FLRT2: variants seen among roughly 807,000 people sequenced by gnomAD.
The protein encoded by FLRT2 is leucine-rich repeat transmembrane protein FLRT2.
A neutral mutation model predicts 40.0 loss-of-function variants in FLRT2; 15 were observed. The observed-to-expected ratio is 0.38, with a 90% CI of 0.25 to 0.58. FLRT2 has a LOEUF of 0.58. FLRT2 is among the 20% of genes least tolerant of loss of function. FLRT2 has a pLI of 0.71. For missense variants in FLRT2, 726 were observed against 840.0 expected, an observed-to-expected ratio of 0.86 and a Z score of 1.68; for synonymous variants, 380 against 336.8, an observed-to-expected ratio of 1.13 and a Z score of -1.41.
chr14:85,600,487 G>A (rs11845293), intron 1 of FLRT2, among the ~76,000 whole-genome samples: 45,886 of 151,968 alleles, frequency 0.3, 7,486 homozygotes, highest in African/African-American at 0.42. Flanking sequence ...AAGAAAACAG[G>A]CATGGTCAGA....
At position 85,576,668 on chromosome 14, in the gene FLRT2, A is replaced by G. The variant is rs370681161; in HGVS notation, c.-376-44471A>G. Among the ~76,000 whole-genome samples the G allele has an allele frequency of 8.3e-4, 127 of 152,342 alleles. 4 individuals are homozygous for G. The South Asian group carries it at 0.018, about 22-fold the overall frequency. ...ACACTGGTTGGACCTTTTAGGGGTA[A>G]GTTAACAAGCTGTTTGTCCTATTTG... On this transcript the variant is annotated intron_variant, in intron 1 of 1. Coordinates refer to ENST00000330753, the MANE Select transcript of FLRT2 (RefSeq NM_013231.6).
In FLRT2 at chr14:85,622,713, C is replaced by T. The variant is rs369153024; in HGVS notation, c.1199C>T (p.Pro400Leu). Residue 400 changes from proline (P) to leucine (L), a missense_variant, in exon 2 of 2, where the codon CCT becomes CTT. Pro to Leu is a moderately conservative substitution (Grantham distance 98). This residue lies in a region of FLRT2 where 611 missense variants were observed against 690.0 expected (regional missense o/e 0.89). Transcript: ENST00000330753. ...NPSRSYTPPTPTTSKLPTIPD... is the reference protein window; with the variant it reads ...NPSRSYTPPTLTTSKLPTIPD... ...AGCAGAAGCTACACGCCTCCAACTC[C>T]TACCACATCGAAACTTCCCACGATT... 2.6e-5 allele frequency: 42 copies of T among 1,614,010 alleles called. No individual in the cohort carries two copies. The highest frequency in any genetic ancestry group is 3.3e-5 in the Non-Finnish European group (39 of 1,180,022).
At chr14:85,535,681 C>T (rs908373667) in intron 1 of FLRT2, among the ~76,000 whole-genome samples, 4 of 147,692 alleles carry the variant, frequency 2.7e-5, no homozygotes, top group African/African-American at 9.7e-5. Context: ...TAGGGTTAAA[C>T]CATTTAGGGA....
intron 1 of FLRT2, chr14:85,531,214 C>G (rs146131114): frequency 1.0e-4 from 16 of 152,426 alleles, no homozygotes; most frequent in African/African-American, 3.1e-4. Context: ...GAGGCGGAAT[C>G]CGGATCGAGT....
rs543705667 is a variant in FLRT2, at chr14:85,546,957, G to A, written c.-377+16423G>A. Among the ~76,000 whole-genome samples the A allele has an allele frequency of 1.3e-3, 197 of 152,158 alleles. 1 individual carries two copies. The highest frequency in any genetic ancestry group is 4.6e-3 in the African/African-American group (190 of 41,520). ...CTTTGATTACTGTCTTTTATTCATC[G>A]TCACGTGTTCTGTCACTAGTCTTAG... On this transcript the variant is annotated intron_variant, in intron 1 of 1. Transcript: ENST00000330753.
intron 1 of FLRT2, among the ~76,000 whole-genome samples, chr14:85,608,342 G>T (rs1892718483): frequency 6.6e-6 from 1 of 151,706 alleles, no homozygotes; most frequent in Non-Finnish European, 1.5e-5. Flanking sequence ...CAATTCTTCT[G>T]CCTCAGCCTT....
chr14:85,573,102 A>C (rs1268118718), intron 1 of FLRT2, among the ~76,000 whole-genome samples: 1 of 152,156 alleles, frequency 6.6e-6, no homozygotes, highest in Non-Finnish European at 1.5e-5. Context: ...ATAGTCAGCA[A>C]CCCAGATTTG....
intron 1 of FLRT2, among the ~76,000 whole-genome samples, chr14:85,542,356 CCT>C (rs1412162074): frequency 2.0e-5 from 3 of 151,718 alleles, no homozygotes; most frequent in South Asian, 2.1e-4. Context: ...GAGATTTGCC[CCT>C]GTTTTTTTCA....
rs1894090431 is a variant in FLRT2, at chr14:85,639,369, A to G, written c.*15872A>G. On this transcript the variant is annotated 3_prime_UTR_variant, in exon 2 of 2. Transcript: ENST00000330753. ...TTTGTGAAGTGATTTATGGTTTTAA[A>G]ATAAGCAGCTTTTCTTGAAAGTAGT... is the stretch of plus-strand genomic sequence containing the variant. 1 of 152,202 alleles carries G rather than the reference A, an allele frequency of 6.6e-6. No individual in the cohort carries two copies. The highest frequency in any genetic ancestry group is 2.4e-5 in the African/African-American group (1 of 41,460). The allele number at this position is 152,202 out of a possible 1,614,324, so 9.4% of individuals were successfully genotyped here.
intron 1 of FLRT2, among the ~76,000 whole-genome samples, chr14:85,549,060 A>G (rs774609573): frequency 2.6e-5 from 4 of 152,022 alleles, no homozygotes; most frequent in Non-Finnish European, 5.9e-5. Flanking sequence ...CCACCTTCCC[A>G]CTCCATCCCC....
chr14:85,537,004 TGAGAC>T (rs1888701198), intron 1 of FLRT2, among the ~76,000 whole-genome samples: 1 of 152,178 alleles, frequency 6.6e-6, no homozygotes, highest in South Asian at 2.1e-4. Flanking sequence ...AAGGGAAACT[TGAGAC>T]GAGCTCAAAA....
chr14:85,568,894 G>A (rs1008306710), intron 1 of FLRT2, among the ~76,000 whole-genome samples: 4 of 152,002 alleles, frequency 2.6e-5, no homozygotes, highest in East Asian at 1.9e-4. Context: ...TATATCAGCC[G>A]CCTCTCTCTG....
At chr14:85,591,926 G>T (rs1242765951) in intron 1 of FLRT2, among the ~76,000 whole-genome samples, 1 of 152,064 alleles carries the variant, frequency 6.6e-6, no homozygotes, top group Admixed American at 6.5e-5. Flanking sequence ...GAGGCATTAT[G>T]CTTATATAGA....
chr14:85,541,840 C>G (rs1419430290), intron 1 of FLRT2, among the ~76,000 whole-genome samples: 1 of 152,158 alleles, frequency 6.6e-6, no homozygotes, highest in Non-Finnish European at 1.5e-5. Context: ...AGCCATGTGT[C>G]CTTCTGCCGA....
intron 1 of FLRT2, among the ~76,000 whole-genome samples, chr14:85,607,071 C>A (rs779107893): frequency 7.2e-5 from 11 of 151,862 alleles, no homozygotes; most frequent in Non-Finnish European, 1.3e-4. Flanking sequence ...TTTTAAATCT[C>A]TTTTCCACAA....
rs572716365 is a variant in FLRT2, at chr14:85,537,321, G to A, written c.-377+6787G>A. 3.3e-5 allele frequency among the ~76,000 whole-genome samples: 5 copies of A among 152,202 alleles called. No homozygotes were observed. In the South Asian group the frequency reaches 1.0e-3, roughly 32 times the overall value. On this transcript the variant is annotated intron_variant, in intron 1 of 1. Coordinates refer to ENST00000330753, the MANE Select transcript of FLRT2 (RefSeq NM_013231.6). Reference sequence around the variant, plus strand: ...CATTTTCCAGATGGTTTTTGATCTAGTGGTATTTGGGGATATGGAATTTTT... The same window carrying A: ...CATTTTCCAGATGGTTTTTGATCTAATGGTATTTGGGGATATGGAATTTTT...
rs1894228881 is a variant in FLRT2, at chr14:85,643,913, G to A, written c.*20416G>A. On this transcript the variant is annotated 3_prime_UTR_variant, in exon 2 of 2. Transcript: ENST00000330753. ...ATTAAAAGTATAGTAGTAGGAAACT[G>A]TGTTTAACCTGTTTTCAAGAATGGA... 6.6e-6 allele frequency: 1 copy of A among 152,158 alleles called. No homozygotes were observed. The highest frequency in any genetic ancestry group is 1.5e-5 in the Non-Finnish European group (1 of 68,032). The allele number at this position is 152,158 out of a possible 1,614,324, so 9.4% of individuals were successfully genotyped here.
At position 85,566,548 on chromosome 14, in the gene FLRT2, G is replaced by GT. The variant is rs564948050; in HGVS notation, c.-377+36016dup. Among the ~76,000 whole-genome samples, 21 of 38,380 alleles carry GT rather than the reference G, an allele frequency of 5.5e-4. No individual in the cohort carries two copies. The South Asian group carries it at 7.1e-3, about 13-fold the overall frequency. The allele number at this position is 38,380 out of a possible 152,430, so 25.2% of individuals were successfully genotyped here. A position where few individuals can be genotyped will look rare whatever the true frequency, so the allele number is the denominator to read the frequency against. On this transcript the variant is annotated intron_variant, in intron 1 of 1. Transcript: ENST00000330753. Reference sequence around the variant, plus strand: ...ACACTCAGTCCTCTTAACTTCCATGGTTGTGTGTGTGTGTGTGTGTGTGTG... The same window carrying GT: ...ACACTCAGTCCTCTTAACTTCCATGGTTTGTGTGTGTGTGTGTGTGTGTGTG...
At chr14:85,608,916 G>A (rs1418999115) in intron 1 of FLRT2, among the ~76,000 whole-genome samples, 2 of 152,140 alleles carry the variant, frequency 1.3e-5, no homozygotes, top group Non-Finnish European at 1.5e-5. Context: ...AAAAAGTGTA[G>A]GCACTTTGCC....
Sources: gnomAD v4.1 joint callset for allele counts (sites outside exome capture counted in the v4.1 genomes callset) on GRCh38, gnomAD v4.1.1 for gene constraint, gnomAD v4.1.1 regional missense constraint, MANE v1.5 for transcripts, NCBI Gene and HGNC (gene_info 2026-07-23, HGNC 2026-07-21) for gene names.